Variants in ZNF91 observed in about 807,000 individuals in gnomAD.
ZNF91 encodes the protein zinc finger protein 91 (HPF7, HTF10).
In ZNF91, 7 loss-of-function variants were observed where a neutral mutation model predicts 12.6. The ratio of observed to expected loss-of-function variants is 0.55; its 90% CI spans 0.31 to 1.04. The LOEUF (loss-of-function observed/expected upper bound fraction) is 1.04, where lower values mean the gene tolerates loss of function less well. Among genes scored for constraint, ZNF91 ranks in the 50% least tolerant of loss-of-function variants. The pLI, the probability that ZNF91 is intolerant of heterozygous loss-of-function variation, is 0.05. For synonymous variants in ZNF91, 453 were observed against 462.6 expected (o/e 0.98, Z 0.27); for missense variants, 1,217 against 1,385.4 (o/e 0.88, Z 1.93).
intron 1 of ZNF91, chr19:23,385,150 C>A: frequency 1.4e-6 from 1 of 725,338 alleles, no homozygotes; most frequent in East Asian, 2.5e-5. Context: ...GTTTCACCAT[C>A]CCGCGTCATG....
At chr19:23,354,709 CCTTGAAAACCCTCAGGA>C (rs1968446353), downstream of ZNF91, among the ~76,000 whole-genome samples, 2 of 152,022 alleles carry the variant, frequency 1.3e-5, no homozygotes, top group South Asian at 4.2e-4. Flanking sequence ...TGATCATTTA[CCTTGAAAACCCTCAGGA>C]CTCCTCCAGA....
At chr19:23,357,240 C>G (rs1163259008), downstream of ZNF91, among the ~76,000 whole-genome samples, 1 of 151,480 alleles carries the variant, frequency 6.6e-6, no homozygotes, top group Non-Finnish European at 1.5e-5. Flanking sequence ...AACAAACAAA[C>G]AACAACAACA....
intron 1 of ZNF91, chr19:23,326,304 CACTG>C (rs1967836113): frequency 6.6e-6 from 1 of 152,102 alleles, no homozygotes; most frequent in Admixed American, 6.6e-5. Context: ...GGTTGGTGCT[CACTG>C]ACTACTACAT....
intron 3 of ZNF91, among the ~76,000 whole-genome samples, chr19:23,366,082 G>T (rs943332631): frequency 6.6e-6 from 1 of 152,168 alleles, no homozygotes; most frequent in African/African-American, 2.4e-5. Context: ...GAGCCGTTGG[G>T]TACACCTCCC....
intron 3 of ZNF91, among the ~76,000 whole-genome samples, chr19:23,350,869 G>C (rs1377720738): frequency 1.3e-5 from 2 of 151,752 alleles, no homozygotes; most frequent in African/African-American, 4.8e-5. Flanking sequence ...TCCTTACTTG[G>C]GGCTGATGCC....
At chr19:23,309,377 G>C (rs1426515259) in intron 1 of ZNF91, among the ~76,000 whole-genome samples, 3 of 152,180 alleles carry the variant, frequency 2.0e-5, no homozygotes, top group Admixed American at 1.3e-4. Context: ...CCACGAACCA[G>C]GTGATGTGTC....
downstream of ZNF91, among the ~76,000 whole-genome samples, chr19:23,355,194 T>A (rs1968455960): frequency 6.6e-6 from 1 of 152,170 alleles, no homozygotes; most frequent in African/African-American, 2.4e-5. Context: ...GGCACCATAC[T>A]ACCTGATTTC....
chr19:23,366,019 TC>T (rs910065104), intron 3 of ZNF91, among the ~76,000 whole-genome samples: 10 of 152,224 alleles, frequency 6.6e-5, no homozygotes, highest in African/African-American at 2.2e-4. Context: ...TCCCCACCTT[TC>T]CCCCTCCTCT....
At chr19:23,373,366 ATATATATATATATATATAT>A (rs1568395158) in intron 3 of ZNF91, among the ~76,000 whole-genome samples, 7 of 129,918 alleles carry the variant, frequency 5.4e-5, no homozygotes, top group Non-Finnish European at 8.3e-5. Context: ...ATATATATAT[ATATATATATATATATATAT>A]AAATAAACAG....
Position 23,359,788 on chromosome 19 carries a change from G to A in ZNF91, c.3191C>T (p.Thr1064Ile), listed in dbSNP as rs765318233. The A allele has an allele frequency of 2.8e-5, 45 of 1,613,492 alleles. No individual in the cohort carries two copies. Among genetic ancestry groups the A allele is most frequent in the Non-Finnish European group, 3.7e-5 (44 of 1,179,942 alleles). The change falls in exon 4 of 4, where the codon ACC becomes ATC. Residue 1064 changes from threonine to isoleucine, a missense_variant. Physicochemically the swap from Thr to Ile is moderately conservative, Grantham distance 89. Coordinates refer to ENST00000300619, the MANE Select transcript of ZNF91 (RefSeq NM_003430.4). ...ECGKAFISSS[T>I]LNGHKRIHTR... Reference sequence around the variant, plus strand: ...ATGAATTCTCTTATGTCCATTTAGGGTTGAGGATGATATAAATGCTTTGCC... The same window carrying A: ...ATGAATTCTCTTATGTCCATTTAGGATTGAGGATGATATAAATGCTTTGCC...
Position 23,358,160 on chromosome 19 carries a change from T to A in ZNF91, c.*1243A>T, listed in dbSNP as rs1448805308. On this transcript the variant is annotated 3_prime_UTR_variant, in exon 4 of 4. Coordinates refer to ENST00000300619, the MANE Select transcript of ZNF91 (RefSeq NM_003430.4). ...AAGTTACTGGCATAATAACACTTCA[T>A]TGAATTCATGATAGTATTTAACATG... 2.0e-5 allele frequency: 3 copies of A among 152,176 alleles called. No homozygotes were observed. The highest frequency in any genetic ancestry group is 6.5e-5 in the Admixed American group (1 of 15,276). The allele number at this position is 152,176 out of a possible 1,614,324, so 9.4% of individuals were successfully genotyped here. A position where few individuals can be genotyped will look rare whatever the true frequency, so the allele number is the denominator to read the frequency against.
At chr19:23,314,247 A>G (rs892696844), upstream of ZNF91, among the ~76,000 whole-genome samples, 2 of 152,102 alleles carry the variant, frequency 1.3e-5, no homozygotes, top group African/African-American at 4.8e-5. Context: ...TGGACCCATT[A>G]TCTATTTGAT....
chr19:23,334,097 ATG>A (rs1967966442), downstream of ZNF91, among the ~76,000 whole-genome samples: 1 of 152,218 alleles, frequency 6.6e-6, no homozygotes, highest in African/African-American at 2.4e-5. Context: ...CATGTTTTCC[ATG>A]TGTAGAGGAA....
At chr19:23,316,193 C>CA (rs1223521809) in intron 1 of ZNF91, among the ~76,000 whole-genome samples, 2 of 150,584 alleles carry the variant, frequency 1.3e-5, no homozygotes, top group Admixed American at 1.3e-4. Context: ...GCCTGGTCCC[C>CA]ACATGTTTTG....
At chr19:23,342,123 C>A in intron 3 of ZNF91, 1 of 399,232 alleles carries the variant, frequency 2.5e-6, no homozygotes, top group South Asian at 6.9e-5. Flanking sequence ...TCTTTCTGAC[C>A]TTCGTATCCC....
At chr19:23,337,136 T>C (rs1968026425), downstream of ZNF91, among the ~76,000 whole-genome samples, 2 of 152,132 alleles carry the variant, frequency 1.3e-5, no homozygotes, top group South Asian at 2.1e-4. Context: ...TACCCCACCC[T>C]ACCTTCTTAC....
At chr19:23,317,407 G>C (rs1967590061) in intron 1 of ZNF91, among the ~76,000 whole-genome samples, 1 of 152,096 alleles carries the variant, frequency 6.6e-6, no homozygotes, top group African/African-American at 2.4e-5. Context: ...TTTGGACCTA[G>C]CCAATTGGAG....
chr19:23,339,037 G>A (rs925325687), exon 4 of ZNF91: 4 of 147,950 alleles, frequency 2.7e-5, no homozygotes, highest in Admixed American at 6.8e-5. Flanking sequence ...CCAGCCTGGC[G>A]ATGGAGCAAG....
intron 1 of ZNF91, among the ~76,000 whole-genome samples, chr19:23,392,776 G>A (rs537412973): frequency 7.1e-4 from 97 of 136,616 alleles, no homozygotes; most frequent in African/African-American, 2.8e-3. Flanking sequence ...ACCAGCCTGG[G>A]CGACAGAGCA....
Sources: allele counts gnomAD v4.1 joint callset (sites outside exome capture counted in the v4.1 genomes callset), GRCh38; gene constraint gnomAD v4.1.1; transcripts MANE v1.5; gene names NCBI Gene and HGNC (gene_info 2026-07-23, HGNC 2026-07-21).